KIF7: variants seen among roughly 807,000 people sequenced by gnomAD.
KIF7 encodes kinesin family member 7.
In KIF7, 104 loss-of-function variants were observed where a neutral mutation model predicts 135.7. The ratio of observed to expected loss-of-function variants is 0.77; its 90% CI spans 0.65 to 0.90. KIF7 has a LOEUF of 0.90. Among genes scored for constraint, KIF7 ranks in the 40% least tolerant of loss-of-function variants. The probability of loss-of-function intolerance (pLI) is 0.00; values close to 1 mark genes in which losing one functional copy is unlikely to be tolerated. For synonymous variants in KIF7, 883 were observed against 809.4 expected (o/e 1.09, Z -1.54); for missense variants, 2,005 against 1,839.1 (o/e 1.09, Z -1.65).
rs564572750 is a variant in KIF7, at chr15:89,649,663, C to A, written c.529+78G>T. The A allele has an allele frequency of 3.4e-5, 49 of 1,446,904 alleles. 1 individual carries two copies. The South Asian group carries it at 6.1e-4, about 18-fold the overall frequency. 89.6% of individuals were successfully genotyped at this position (1,446,904 alleles called of 1,614,324 possible). ...TCCATGAGGAGTTGCCATTCCCAGA[C>A]AGGTAAGCACTCCACTCCAAACAGG... On this transcript the variant is annotated intron_variant, in intron 3 of 18. Transcript: ENST00000394412.
Position 89,629,461 on chromosome 15 carries a change from C to A in KIF7, c.3431G>T (p.Arg1144Leu), listed in dbSNP as rs756521084. Residue 1144 changes from arginine (R) to leucine (L), a missense_variant, in exon 17 of 19, where the codon CGG becomes CTG. Coordinates refer to ENST00000394412, the MANE Select transcript of KIF7 (RefSeq NM_198525.3). ...LVYWLEVALE[R>L]QRLEMDRQLT... ...CTGGCGGTCCATCTCCAGGCGCTGC[C>A]GCTCCAGGGCCACCTCCAGCCAGTA... 1.6e-5 allele frequency: 25 copies of A among 1,609,794 alleles called. No homozygotes were observed. The Admixed American group carries it at 2.8e-4, about 18-fold the overall frequency.
At chr15:89,635,530 G>A (rs1387948974) in intron 11 of KIF7, among the ~76,000 whole-genome samples, 1 of 152,234 alleles carries the variant, frequency 6.6e-6, no homozygotes, top group African/African-American at 2.4e-5. Flanking sequence ...CGTGAAGAAT[G>A]CAGAAGCCTC....
chr15:89,632,969 C>G lies in KIF7; in HGVS notation c.2746G>C (p.Asp916His). ...QKIEEQKKWL[D>H]QEMEKVLQQR... ...TGTAGCACCTTCTCCATCTCCTGGT[C>G]CAGCCACTTCTTCTGCTCCTCAATC... Residue 916 changes from aspartate (D) to histidine (H), a missense_variant, in exon 14 of 19, where the codon GAC becomes CAC. By Grantham distance (81) the Asp-to-His change is moderately conservative. Coordinates refer to ENST00000394412, the MANE Select transcript of KIF7 (RefSeq NM_198525.3). 6.2e-7 allele frequency: 1 copy of G among 1,603,396 alleles called. No individual in the cohort carries two copies. Among genetic ancestry groups the G allele is most frequent in the Non-Finnish European group, 8.5e-7 (1 of 1,177,610 alleles).
chr15:89,626,929 A>C (rs191684922), downstream of KIF7: 3 of 1,609,458 alleles, frequency 1.9e-6, no homozygotes, highest in East Asian at 6.7e-5. Context: ...TGACTCCTGC[A>C]TGCTAAGCCT....
Position 89,649,130 on chromosome 15 carries a change from G to A in KIF7, c.767C>T (p.Ser256Leu). 1 of 1,547,802 alleles carries A rather than the reference G, an allele frequency of 6.5e-7. No individual in the cohort carries two copies. The highest frequency in any genetic ancestry group is 1.2e-5 in the South Asian group (1 of 84,048). ...GCTGCCCGTCTTGAGCACCCTCTCT[G>A]AGCCCGCCAGGTCCACGAAGTGGAA... ...SKFHFVDLAG[S>L]ERVLKTGSTG... The change falls in exon 4 of 19, where the codon TCA becomes TTA. Residue 256 changes from serine to leucine, a missense_variant. By Grantham distance (145) the Ser-to-Leu change is moderately radical. Coordinates refer to ENST00000394412, the MANE Select transcript of KIF7 (RefSeq NM_198525.3).
intron 11 of KIF7, among the ~76,000 whole-genome samples, chr15:89,634,299 A>G (rs1421013961): frequency 6.6e-6 from 1 of 152,218 alleles, no homozygotes; most frequent in African/African-American, 2.4e-5. Flanking sequence ...ACTCTGACTC[A>G]AAAAATAATA....
upstream of KIF7, among the ~76,000 whole-genome samples, chr15:89,655,689 A>C (rs1346827930): frequency 6.6e-6 from 1 of 152,258 alleles, no homozygotes; most frequent in Admixed American, 6.5e-5. Flanking sequence ...ACTGGACTCC[A>C]GACCATCCTG....
chr15:89,652,881 C>T lies in KIF7; in HGVS notation c.50G>A (p.Arg17Gln), dbSNP rs949983017. ...RLPGAEEAPV[R>Q]VALRVRPLLP... ...CAGTGGTCGAACTCGCAGGGCAACC[C>T]GCACTGGGGCCTCCTCAGCCCCTGG... is the stretch of plus-strand genomic sequence containing the variant. Residue 17 changes from arginine (R) to glutamine (Q), a missense_variant, in exon 2 of 19, where the codon CGG becomes CAG. By Grantham distance (43) the Arg-to-Gln change is conservative. Coordinates refer to ENST00000394412, the MANE Select transcript of KIF7 (RefSeq NM_198525.3). 3.1e-5 allele frequency: 48 copies of T among 1,540,194 alleles called. No individual in the cohort carries two copies. The Admixed American group carries it at 6.5e-4, about 21-fold the overall frequency.
chr15:89,618,482 A>G (rs1963372356), intron 1 of KIF7, among the ~76,000 whole-genome samples: 1 of 152,258 alleles, frequency 6.6e-6, no homozygotes, highest in South Asian at 2.1e-4. Flanking sequence ...GACTTATTTT[A>G]AAAGTATATA....
chr15:89,629,065 G>C lies in KIF7; in HGVS notation c.3575C>G (p.Ala1192Gly), dbSNP rs771258913. ...SRRQYEARIQ[A>G]LEKELGRYMW... ...GTAACGGCCCAGTTCCTTCTCCAGA[G>C]CTTGAATCCGGGCCTCATACTGCCT... Residue 1192 changes from alanine (A) to glycine (G), a missense_variant, in exon 18 of 19, where the codon GCT (alanine) becomes GGT (glycine). By Grantham distance (60) the Ala-to-Gly change is moderately conservative. Coordinates refer to ENST00000394412, the MANE Select transcript of KIF7 (RefSeq NM_198525.3). The C allele has an allele frequency of 6.2e-7, 1 of 1,613,316 alleles. No individual in the cohort carries two copies. The highest frequency in any genetic ancestry group is 1.7e-5 in the Admixed American group (1 of 59,928).
At chr15:89,646,056 G>A (rs766907678) in intron 7 of KIF7, 30 bp from the exon 8 acceptor site, 6 of 1,612,764 alleles carry the variant, frequency 3.7e-6, no homozygotes, top group East Asian at 2.2e-5. Flanking sequence ...CCCATCCCAA[G>A]TCATCATCCC....
chr15:89,628,946 G>T, intron 18 of KIF7, 30 bp downstream of exon 18: 1 of 1,613,900 alleles, frequency 6.2e-7, no homozygotes, highest in Non-Finnish European at 8.5e-7. Context: ...AAGGGAACAG[G>T]TCTGACTTCA....
chr15:89,629,104 A>G lies in KIF7; in HGVS notation c.3536T>C (p.Leu1179Ser). 1.2e-6 allele frequency: 2 copies of G among 1,612,174 alleles called. No individual in the cohort carries two copies. Among genetic ancestry groups the G allele is most frequent in the Non-Finnish European group, 8.5e-7 (1 of 1,179,640 alleles). ...QQSRDHLGEG[L>S]ADSRRQYEAR... ...CTCATACTGCCTCCTGCTGTCTGCT[A>G]ACCCTTCACCGAGGTGGTCTAGAGT... The change falls in exon 18 of 19, where the codon TTA becomes TCA. Residue 1179 changes from leucine (L) to serine (S), a missense_variant. Physicochemically the swap from Leu to Ser is moderately radical, Grantham distance 145 (BLOSUM62 -2). Transcript: ENST00000394412.
At position 89,630,043 on chromosome 15, in the gene KIF7, A is replaced by G. The variant is rs937091105; in HGVS notation, c.3318+244T>C. 41 of 577,480 alleles carry G rather than the reference A, an allele frequency of 7.1e-5. 1 individual carries two copies. In the East Asian group the frequency reaches 9.4e-4, roughly 13 times the overall value. 35.8% of individuals were successfully genotyped at this position (577,480 alleles called of 1,614,324 possible). A position where few individuals can be genotyped will look rare whatever the true frequency, so the allele number is the denominator to read the frequency against. ...AAAACTTCCCCTACTGAGAGCTACTATTGTGGCCATGGACCACCCTGAGGT... is the reference window on the plus strand; with the variant it reads ...AAAACTTCCCCTACTGAGAGCTACTGTTGTGGCCATGGACCACCCTGAGGT... On this transcript the variant is annotated intron_variant, in intron 16 of 18. Transcript: ENST00000394412.
At position 89,645,103 on chromosome 15, in the gene KIF7, ACT is replaced by A; in HGVS notation, c.2099_2100del (p.Glu700ValfsTer61). On this transcript the variant is annotated frameshift_variant, in exon 10 of 19. Transcript: ENST00000394412. LOFTEE classifies it high-confidence loss of function. ...ARQVPPATASEWRLAQAQQKI... is the reference protein window; with the variant it reads ...ARQVPPATASXWRLAQAQQKI... ...TTCTGCTGGGCCTGGGCCAGCCGCCACTCTGAGGCTGTGGCAGGGGGGACCTG... is the reference window on the plus strand; with the variant it reads ...TTCTGCTGGGCCTGGGCCAGCCGCCACTGAGGCTGTGGCAGGGGGGACCTG... 6.2e-7 allele frequency: 1 copy of A among 1,605,854 alleles called. No individual in the cohort carries two copies. Among genetic ancestry groups the A allele is most frequent in the Non-Finnish European group, 8.5e-7 (1 of 1,179,932 alleles).
downstream of KIF7, chr15:89,625,848 G>T: frequency 6.4e-7 from 1 of 1,550,836 alleles, no homozygotes; most frequent in East Asian, 2.3e-5. Flanking sequence ...GCTTGACAAG[G>T]AGGCACTTGG....
At chr15:89,658,677 A>C (rs1206581657), upstream of KIF7, among the ~76,000 whole-genome samples, 1 of 152,004 alleles carries the variant, frequency 6.6e-6, no homozygotes, top group Non-Finnish European at 1.5e-5. Context: ...AGCCTGGGCA[A>C]CACAGCGAAA....
At chr15:89,644,951 T>C in intron 10 of KIF7, 62 bp downstream of exon 10, 1 of 1,594,542 alleles carries the variant, frequency 6.3e-7, no homozygotes, top group Non-Finnish European at 8.5e-7. Flanking sequence ...TCTAGAACAG[T>C]GCAGAAGTAA....
chr15:89,651,281 G>C (rs1284489699), intron 2 of KIF7, among the ~76,000 whole-genome samples: 1 of 152,120 alleles, frequency 6.6e-6, no homozygotes, highest in African/African-American at 2.4e-5. Context: ...TTGTATTTTA[G>C]TAGAGACAGG....
Sources: gnomAD v4.1 joint callset for allele counts (sites outside exome capture counted in the v4.1 genomes callset) on GRCh38, gnomAD v4.1.1 for gene constraint, MANE v1.5 for transcripts, NCBI Gene and HGNC (gene_info 2026-07-23, HGNC 2026-07-21) for gene names.